The following SGCD variants were observed in gnomAD, a reference collection of about 807,000 sequenced individuals.
SGCD encodes sarcoglycan delta.
Under a neutral mutation model 36.6 loss-of-function variants are expected in SGCD, and 18 were observed. That is an observed-to-expected ratio of 0.49 (90% CI 0.34 to 0.73). The LOEUF is 0.73. SGCD is among the 30% of genes least tolerant of loss of function. SGCD has a pLI of 0.01. For synonymous variants in SGCD, 133 were observed against 130.6 expected, an observed-to-expected ratio of 1.02 and a Z score of -0.12; for missense variants, 387 against 346.7, an observed-to-expected ratio of 1.12 and a Z score of -0.92.
At position 156,647,387 on chromosome 5, in the gene SGCD, C is replaced by T; in HGVS notation, c.503-77C>T. On this transcript the variant is annotated intron_variant, in intron 6 of 8. Transcript: ENST00000337851. ...TGTAATGGATTCGCTGCATTTAGCT[C>T]CAATCAGTGTGCTGATTGTGCCTAC... 19 of 930,398 alleles carry T rather than the reference C, an allele frequency of 2.0e-5. No homozygotes were observed. The South Asian group carries it at 2.8e-4, about 14-fold the overall frequency. 57.6% of individuals were successfully genotyped at this position (930,398 alleles called of 1,614,324 possible).
intron 3 of SGCD, among the ~76,000 whole-genome samples, chr5:156,477,081 T>A (rs1192376359): frequency 6.6e-6 from 1 of 150,622 alleles, no homozygotes; most frequent in African/African-American, 2.4e-5. Flanking sequence ...CCCATACAGT[T>A]GTCAGTGCTA....
At chr5:156,321,039 C>T (rs1429286613) in intron 3 of SGCD, among the ~76,000 whole-genome samples, 2 of 152,158 alleles carry the variant, frequency 1.3e-5, no homozygotes, top group African/African-American at 2.4e-5. Flanking sequence ...CTGTTTTGGG[C>T]TTTCATAGAA....
chr5:156,145,059 C>T (rs1473839810), intron 3 of SGCD, among the ~76,000 whole-genome samples: 1 of 152,112 alleles, frequency 6.6e-6, no homozygotes, highest in Non-Finnish European at 1.5e-5. Context: ...TGTGTCCTCA[C>T]CCAAATCTCA....
intron 3 of SGCD, among the ~76,000 whole-genome samples, chr5:156,157,990 T>C (rs1483302373): frequency 1.3e-5 from 2 of 151,624 alleles, no homozygotes; most frequent in Non-Finnish European, 1.5e-5. Context: ...AAACTAATAT[T>C]CTTCAAGAAG....
chr5:156,249,297 T>G (rs1765516003), intron 3 of SGCD, among the ~76,000 whole-genome samples: 1 of 152,032 alleles, frequency 6.6e-6, no homozygotes, highest in Non-Finnish European at 1.5e-5. Flanking sequence ...GAGTGAGATA[T>G]TATGGAAGCT....
At chr5:156,349,281 C>G (rs139077803) in intron 3 of SGCD, among the ~76,000 whole-genome samples, 1 of 151,612 alleles carries the variant, frequency 6.6e-6, no homozygotes, top group Non-Finnish European at 1.5e-5. Flanking sequence ...AAAAAGCTTC[C>G]GCACAGTAAA....
At chr5:156,541,896 C>G (rs190787356) in intron 4 of SGCD, among the ~76,000 whole-genome samples, 32 of 152,186 alleles carry the variant, frequency 2.1e-4, no homozygotes, top group African/African-American at 6.3e-4. Context: ...TTTTTCTTCC[C>G]CACAACATTA....
chr5:155,894,590 T>A (rs552589148), intron 1 of SGCD, among the ~76,000 whole-genome samples: 1 of 152,294 alleles, frequency 6.6e-6, no homozygotes, highest in South Asian at 2.1e-4. Flanking sequence ...CCCATCACTC[T>A]CTTGCATTAC....
chr5:156,302,403 C>T (rs907719196), intron 3 of SGCD, among the ~76,000 whole-genome samples: 3 of 151,954 alleles, frequency 2.0e-5, no homozygotes, highest in African/African-American at 4.8e-5. Flanking sequence ...TCTGCTGGGA[C>T]TCTGAATTTC....
chr5:156,152,344 G>C (rs1028563362), intron 3 of SGCD, among the ~76,000 whole-genome samples: 5 of 151,554 alleles, frequency 3.3e-5, no homozygotes, highest in Admixed American at 2.0e-4. Flanking sequence ...GAAATAAAGA[G>C]GAGGTGAACT....
At chr5:156,755,104 A>T (rs1352674968) in intron 7 of SGCD, among the ~76,000 whole-genome samples, 4 of 152,168 alleles carry the variant, frequency 2.6e-5, no homozygotes, top group Admixed American at 2.0e-4. Flanking sequence ...GAATGCTTCT[A>T]AGAAATTTTA....
At chr5:156,484,336 G>T (rs1051054744) in intron 3 of SGCD, among the ~76,000 whole-genome samples, 1 of 152,130 alleles carries the variant, frequency 6.6e-6, no homozygotes, top group African/African-American at 2.4e-5. Context: ...TACTACACTA[G>T]GTGACTTGAA....
intron 4 of SGCD, among the ~76,000 whole-genome samples, chr5:156,550,590 G>A (rs929904477): frequency 5.3e-5 from 8 of 152,208 alleles, no homozygotes; most frequent in Admixed American, 2.6e-4. Context: ...TGAAGTCAGC[G>A]AAGGGAGGTT....
intron 1 of SGCD, among the ~76,000 whole-genome samples, chr5:156,015,798 A>G (rs1056790142): frequency 2.5e-5 from 3 of 120,608 alleles, no homozygotes; most frequent in South Asian, 4.6e-4. Context: ...GAACACACAA[A>G]CACACACACA....
At chr5:156,482,510 A>AT (rs959865511) in intron 3 of SGCD, among the ~76,000 whole-genome samples, 7 of 152,268 alleles carry the variant, frequency 4.6e-5, no homozygotes, top group Admixed American at 2.6e-4. Flanking sequence ...TTCTTCTGCC[A>AT]TTTTTTTAAA....
chr5:156,102,817 TGTGC>T lies in SGCD; in HGVS notation c.-281-15058_-281-15055del, dbSNP rs1480226691. Among the ~76,000 whole-genome samples, 43 of 152,338 alleles carry T rather than the reference TGTGC, an allele frequency of 2.8e-4. No individual in the cohort carries two copies. In the South Asian group the frequency reaches 7.7e-3, roughly 27 times the overall value. ...TTCAATGAAAACCTATGATTGGGTG[TGTGC>T]GTATATACTTATATTGTGTGTGTAC... On this transcript the variant is annotated intron_variant, in intron 1 of 9. Coordinates refer to the SGCD transcript ENST00000517913.
At chr5:156,016,909 G>A (rs1166265123) in intron 1 of SGCD, among the ~76,000 whole-genome samples, 1 of 152,042 alleles carries the variant, frequency 6.6e-6, no homozygotes, top group Non-Finnish European at 1.5e-5. Context: ...GTATACATTT[G>A]TGTATATTCC....
chr5:156,209,067 C>T (rs1561566063), intron 3 of SGCD, among the ~76,000 whole-genome samples: 1 of 152,162 alleles, frequency 6.6e-6, no homozygotes, highest in Non-Finnish European at 1.5e-5. Flanking sequence ...GACTCTAACA[C>T]CAGGCTTATT....
chr5:156,758,745 C>A (rs1757428757), intron 8 of SGCD, among the ~76,000 whole-genome samples: 1 of 151,088 alleles, frequency 6.6e-6, no homozygotes. Flanking sequence ...ATGTTTTTCT[C>A]AAAGTATATT....
Sources: allele counts gnomAD v4.1 joint callset (sites outside exome capture counted in the v4.1 genomes callset), GRCh38; gene constraint gnomAD v4.1.1; transcripts MANE v1.5; gene names NCBI Gene and HGNC (gene_info 2026-07-23, HGNC 2026-07-21).